Variants in DNAH7 observed in about 807,000 individuals in gnomAD.
DNAH7 encodes axonemal beta dynein heavy chain 7.
DNAH7 carries 397 observed loss-of-function variants against 444.6 expected under a neutral mutation model. The observed-to-expected ratio is 0.89, with a 90% confidence interval of 0.82 to 0.97. The LOEUF is 0.97. Among genes scored for constraint, DNAH7 ranks in the 50% least tolerant of loss-of-function variants. The pLI is 0.00. For missense variants in DNAH7, 4,902 were observed against 4,800.8 expected, an observed-to-expected ratio of 1.02 and a Z score of -0.62; for synonymous variants, 1,636 against 1,624.4, an observed-to-expected ratio of 1.01 and a Z score of -0.17.
chr2:195,859,842 C>T (rs1162627932), intron 42 of DNAH7, among the ~76,000 whole-genome samples: 1 of 152,094 alleles, frequency 6.6e-6, no homozygotes, highest in East Asian at 1.9e-4. Context: ...TTCCTGCCAG[C>T]CTGAGACAGT....
At chr2:195,887,080 A>C (rs559003770) in intron 33 of DNAH7, among the ~76,000 whole-genome samples, 1 of 152,334 alleles carries the variant, frequency 6.6e-6, no homozygotes, top group East Asian at 1.9e-4. Flanking sequence ...CAAATAAAAC[A>C]GATACTTATT....
chr2:195,851,416 T>C (rs1483166818), intron 46 of DNAH7, among the ~76,000 whole-genome samples: 2 of 152,194 alleles, frequency 1.3e-5, no homozygotes, highest in East Asian at 1.9e-4. Context: ...AAGTGACTAC[T>C]TGAATCAAGG....
At chr2:195,928,232 T>C (rs564523229) in intron 21 of DNAH7, among the ~76,000 whole-genome samples, 119 of 152,312 alleles carry the variant, frequency 7.8e-4, no homozygotes, top group African/African-American at 2.8e-3. Flanking sequence ...GCTCCATCTA[T>C]GTTGCTACAA....
intron 48 of DNAH7, among the ~76,000 whole-genome samples, chr2:195,826,076 C>T (rs939617106): frequency 6.6e-6 from 1 of 152,110 alleles, no homozygotes; most frequent in Admixed American, 6.5e-5. Flanking sequence ...ATTGCTTCTA[C>T]TTTTATACTA....
At chr2:195,757,067 ATCC>A (rs1233230035) in intron 61 of DNAH7, among the ~76,000 whole-genome samples, 4 of 152,088 alleles carry the variant, frequency 2.6e-5, no homozygotes, top group African/African-American at 4.8e-5. Flanking sequence ...GCCTCAAGCA[ATCC>A]TCCTGTCTCG....
chr2:195,843,195 C>G (rs1043365170), intron 47 of DNAH7, among the ~76,000 whole-genome samples: 2 of 152,210 alleles, frequency 1.3e-5, no homozygotes, highest in Non-Finnish European at 2.9e-5. Flanking sequence ...AACATCAACA[C>G]ACACTGCCTG....
intron 15 of DNAH7, among the ~76,000 whole-genome samples, chr2:195,984,425 G>A (rs1193658789): frequency 2.0e-5 from 3 of 152,030 alleles, no homozygotes; most frequent in African/African-American, 7.2e-5. Flanking sequence ...TCGACTCATT[G>A]CAACCTCTGC....
chr2:195,933,753 G>A (rs1487061345), intron 21 of DNAH7, among the ~76,000 whole-genome samples: 1 of 120,366 alleles, frequency 8.3e-6, no homozygotes, highest in Non-Finnish European at 1.7e-5. Flanking sequence ...CTGTTGTGGG[G>A]TGGGGGGTGG....
At chr2:195,849,389 C>G (rs1699211775) in intron 46 of DNAH7, among the ~76,000 whole-genome samples, 1 of 152,168 alleles carries the variant, frequency 6.6e-6, no homozygotes, top group African/African-American at 2.4e-5. Flanking sequence ...TGTAACGTGG[C>G]ATAGTTACAG....
At chr2:195,990,875 ATATATACATATATACT>A (rs1448724523) in intron 12 of DNAH7, among the ~76,000 whole-genome samples, 3 of 138,428 alleles carry the variant, frequency 2.2e-5, no homozygotes, top group African/African-American at 8.2e-5. Context: ...ATATACTTAA[ATATATACATATATACT>A]TATATACATA....
At chr2:196,039,602 A>G (rs1448416179) in intron 5 of DNAH7, among the ~76,000 whole-genome samples, 2 of 152,144 alleles carry the variant, frequency 1.3e-5, no homozygotes, top group Non-Finnish European at 2.9e-5. Context: ...GTTAGAGACT[A>G]GCCTGGCCAA....
chr2:196,018,634 G>C (rs1179311441), intron 9 of DNAH7, among the ~76,000 whole-genome samples: 1 of 152,052 alleles, frequency 6.6e-6, no homozygotes, highest in African/African-American at 2.4e-5. Flanking sequence ...AGAAATTCTA[G>C]AGTTGAAAAA....
intron 19 of DNAH7, among the ~76,000 whole-genome samples, chr2:195,950,614 T>C (rs1282552827): frequency 6.6e-6 from 1 of 152,078 alleles, no homozygotes; most frequent in South Asian, 2.1e-4. Flanking sequence ...TTTGGGAGGC[T>C]GAAGCGGGCA....
At chr2:195,755,183 C>T (rs558090016) in intron 62 of DNAH7, among the ~76,000 whole-genome samples, 1 of 152,262 alleles carries the variant, frequency 6.6e-6, no homozygotes, top group East Asian at 1.9e-4. Context: ...CACTTTTCTT[C>T]TCTCTCTAAT....
At chr2:195,995,607 G>T in intron 12 of DNAH7, 1 of 292,534 alleles carries the variant, frequency 3.4e-6, no homozygotes. Context: ...AGCTAGAGAG[G>T]GGACCCGGAG....
At chr2:195,799,585 G>T (rs1029674209) in intron 54 of DNAH7, 113 bp from the exon 55 acceptor site, 10 of 903,196 alleles carry the variant, frequency 1.1e-5, no homozygotes, top group Non-Finnish European at 1.5e-5. Context: ...ATTAGTTTAG[G>T]TATTCATTAA....
intron 51 of DNAH7, among the ~76,000 whole-genome samples, chr2:195,814,298 T>C (rs1217901630): frequency 1.3e-5 from 2 of 152,260 alleles, no homozygotes; most frequent in Non-Finnish European, 2.9e-5. Context: ...TTTAATTGTT[T>C]TGAAATTAAA....
rs531106848 is a variant in DNAH7, at chr2:195,889,961, T to C, written c.5047-980A>G. Among the ~76,000 whole-genome samples the C allele has an allele frequency of 9.2e-5, 14 of 152,332 alleles. 1 individual carries two copies. In the South Asian group the frequency reaches 2.7e-3, roughly 29 times the overall value. ...GAATATAGTAAATGCTCAACAGATATGAAACAGTAGCCAGGTATTAGCCAG... is the reference window on the plus strand; with the variant it reads ...GAATATAGTAAATGCTCAACAGATACGAAACAGTAGCCAGGTATTAGCCAG... On this transcript the variant is annotated intron_variant, in intron 31 of 64. Coordinates refer to ENST00000312428, the MANE Select transcript of DNAH7 (RefSeq NM_018897.3).
intron 61 of DNAH7, among the ~76,000 whole-genome samples, chr2:195,761,301 T>G (rs1208186649): frequency 1.3e-5 from 2 of 151,074 alleles, no homozygotes; most frequent in East Asian, 1.9e-4. Context: ...TAAGATGAGA[T>G]AAAAGAAAAA....
Sources: allele counts gnomAD v4.1 joint callset (sites outside exome capture counted in the v4.1 genomes callset), GRCh38; gene constraint gnomAD v4.1.1; transcripts MANE v1.5; gene names NCBI Gene and HGNC (gene_info 2026-07-23, HGNC 2026-07-21).